FAT3: variants seen among roughly 807,000 people sequenced by gnomAD.
FAT3 encodes protocadherin Fat 3.
FAT3 carries 95 observed loss-of-function variants against 310.2 expected under a neutral mutation model. The observed-to-expected ratio is 0.31, with a 90% confidence interval of 0.26 to 0.36. FAT3 has a LOEUF of 0.36. Among genes scored for constraint, FAT3 ranks in the 10% least tolerant of loss-of-function variants. FAT3 has a pLI of 1.00. For synonymous variants in FAT3, 2,314 were observed against 2,192.9 expected (o/e 1.06, Z -1.54); for missense variants, 5,408 against 5,715.6 (o/e 0.95, Z 1.74).
chr11:92,340,204 G>T (rs1329220041), intron 1 of FAT3, among the ~76,000 whole-genome samples: 1 of 151,024 alleles, frequency 6.6e-6, no homozygotes, highest in African/African-American at 2.4e-5. Flanking sequence ...TATCCTGAAA[G>T]CATGGGAAAG....
At chr11:92,626,459 C>A (rs151017939) in intron 3 of FAT3, among the ~76,000 whole-genome samples, 101 of 150,460 alleles carry the variant, frequency 6.7e-4, no homozygotes, top group African/African-American at 2.3e-3. Context: ...TTGAAATTGG[C>A]GTAGCGTATC....
intron 3 of FAT3, among the ~76,000 whole-genome samples, chr11:92,626,468 T>A (rs532258291): frequency 6.7e-6 from 1 of 149,290 alleles, no homozygotes; most frequent in South Asian, 2.2e-4. Context: ...GCGTAGCGTA[T>A]CTCTTTTTTT....
rs148074118 is a variant in FAT3, at chr11:92,503,942, G to C, written c.3293-20692G>C. Among the ~76,000 whole-genome samples, 255 of 152,188 alleles carry C rather than the reference G, an allele frequency of 1.7e-3. 1 individual carries two copies. Among genetic ancestry groups the C allele is most frequent in the African/African-American group, 5.9e-3 (245 of 41,554 alleles). ...GCAGTGTCATTTTATAGTGGCAGAG[G>C]TTATGGTGAAGGAGAGGCACATTTT... On this transcript the variant is annotated intron_variant, in intron 2 of 27. Coordinates refer to ENST00000525166, the MANE Select transcript of FAT3 (RefSeq NM_001367949.2).
intron 4 of FAT3, among the ~76,000 whole-genome samples, chr11:92,740,523 C>T (rs1342028267): frequency 6.6e-6 from 1 of 152,120 alleles, no homozygotes; most frequent in East Asian, 1.9e-4. Context: ...TCATTGGAGT[C>T]TTTAAATGGA....
At chr11:92,302,444 CA>C (rs1194844812) in intron 1 of FAT3, among the ~76,000 whole-genome samples, 1 of 151,670 alleles carries the variant, frequency 6.6e-6, no homozygotes, top group Non-Finnish European at 1.5e-5. Context: ...GCTTGCCATT[CA>C]AAAGGTTGTT....
intron 13 of FAT3, among the ~76,000 whole-genome samples, chr11:92,815,926 A>G (rs1391645817): frequency 6.6e-6 from 1 of 152,240 alleles, no homozygotes. Context: ...CAAGATTCCA[A>G]GAAAACAATG....
intron 3 of FAT3, 90 bp from the exon 4 acceptor site, chr11:92,697,294 T>A (rs1943970923): frequency 2.7e-6 from 3 of 1,108,390 alleles, no homozygotes; most frequent in Admixed American, 1.9e-5. Flanking sequence ...ATACCACTTT[T>A]GCTTTTCCTT....
chr11:92,313,393 G>A (rs1215649712), intron 1 of FAT3, among the ~76,000 whole-genome samples: 7 of 152,014 alleles, frequency 4.6e-5, no homozygotes, highest in Non-Finnish European at 1.0e-4. Flanking sequence ...GTAAATCCCA[G>A]TTTTTTAATG....
At chr11:92,722,432 C>T (rs879250460) in intron 4 of FAT3, among the ~76,000 whole-genome samples, 2 of 152,176 alleles carry the variant, frequency 1.3e-5, no homozygotes, top group Admixed American at 6.5e-5. Flanking sequence ...CAGGGTACAG[C>T]CTCCCTCCAA....
intron 3 of FAT3, among the ~76,000 whole-genome samples, chr11:92,569,033 G>T (rs1253531567): frequency 6.6e-6 from 1 of 152,124 alleles, no homozygotes; most frequent in Non-Finnish European, 1.5e-5. Context: ...AATTTTGGGG[G>T]GTTGAAAGGT....
At chr11:92,773,032 C>T (rs1946497671) in intron 6 of FAT3, among the ~76,000 whole-genome samples, 1 of 152,118 alleles carries the variant, frequency 6.6e-6, no homozygotes, top group African/African-American at 2.4e-5. Context: ...AAATTACTGT[C>T]TGAGAACAAA....
At chr11:92,762,621 T>C (rs1436262643) in intron 5 of FAT3, among the ~76,000 whole-genome samples, 1 of 152,210 alleles carries the variant, frequency 6.6e-6, no homozygotes, top group East Asian at 1.9e-4. Flanking sequence ...GATATAGCTG[T>C]GTAAATTGTG....
chr11:92,674,706 G>T (rs1225815324), intron 3 of FAT3, among the ~76,000 whole-genome samples: 3 of 151,802 alleles, frequency 2.0e-5, no homozygotes, highest in African/African-American at 7.3e-5. Context: ...TATTTTGTGT[G>T]TGTGTGGAGA....
At chr11:92,838,948 C>G (rs2136279183) in intron 17 of FAT3, among the ~76,000 whole-genome samples, 1 of 152,290 alleles carries the variant, frequency 6.6e-6, no homozygotes, top group East Asian at 1.9e-4. Flanking sequence ...TTTCCAGCAG[C>G]TCTGCATTCT....
At chr11:92,268,632 G>A (rs975515133) in intron 1 of FAT3, among the ~76,000 whole-genome samples, 2 of 151,946 alleles carry the variant, frequency 1.3e-5, no homozygotes, top group East Asian at 3.9e-4. Flanking sequence ...TTTAATCTCT[G>A]GTTGCTCTTC....
intron 1 of FAT3, among the ~76,000 whole-genome samples, chr11:92,234,745 T>C (rs1864342837): frequency 6.6e-6 from 1 of 151,722 alleles, no homozygotes; most frequent in East Asian, 1.9e-4. Flanking sequence ...CTACTAAAAA[T>C]ATAAAAATTA....
At chr11:92,515,556 T>A (rs1953452127) in intron 2 of FAT3, among the ~76,000 whole-genome samples, 1 of 152,072 alleles carries the variant, frequency 6.6e-6, no homozygotes, top group African/African-American at 2.4e-5. Context: ...ACAATATGGT[T>A]TTTGTTAACA....
chr11:92,849,887 T>C (rs1320823143), intron 19 of FAT3, among the ~76,000 whole-genome samples: 1 of 152,156 alleles, frequency 6.6e-6, no homozygotes, highest in Non-Finnish European at 1.5e-5. Flanking sequence ...CATCATGCAT[T>C]GGGCAAATGA....
chr11:92,538,553 T>C (rs997908847), intron 3 of FAT3, among the ~76,000 whole-genome samples: 1 of 152,176 alleles, frequency 6.6e-6, no homozygotes, highest in African/African-American at 2.4e-5. Context: ...GTAAAGAATC[T>C]TTTCTTGAAA....
Sources: gnomAD v4.1 joint callset for allele counts (sites outside exome capture counted in the v4.1 genomes callset) on GRCh38, gnomAD v4.1.1 for gene constraint, MANE v1.5 for transcripts, NCBI Gene and HGNC (gene_info 2026-07-23, HGNC 2026-07-21) for gene names.